Variants in SVIL observed in about 807,000 individuals in gnomAD.
The protein encoded by SVIL is supervillin.
In SVIL, 101 loss-of-function variants were observed where a neutral mutation model predicts 240.4. The observed-to-expected ratio is 0.42, with a 90% CI of 0.36 to 0.50. The LOEUF (loss-of-function observed/expected upper bound fraction) is 0.50, where lower values mean the gene tolerates loss of function less well. SVIL is among the 20% of genes least tolerant of loss of function. The probability of loss-of-function intolerance (pLI) is 0.01; values close to 1 mark genes in which losing one functional copy is unlikely to be tolerated. For synonymous variants in SVIL, 999 were observed against 1,100.0 expected (o/e 0.91, Z 1.82); for missense variants, 2,512 against 2,818.7 (o/e 0.89, Z 2.46).
chr10:29,513,170 AC>A (rs1949972979), intron 16 of SVIL, among the ~76,000 whole-genome samples: 1 of 152,236 alleles, frequency 6.6e-6, no homozygotes, highest in Non-Finnish European at 1.5e-5. Context: ...AAGCAAGAGA[AC>A]CGTCCCCAGA....
chr10:29,551,954 T>G (rs1037338832), intron 5 of SVIL, among the ~76,000 whole-genome samples: 13 of 151,840 alleles, frequency 8.6e-5, no homozygotes, highest in African/African-American at 3.1e-4. Flanking sequence ...CTACAAAAAT[T>G]ATTTTAAAAA....
At chr10:29,664,595 T>G (rs1307668154) in intron 2 of SVIL, among the ~76,000 whole-genome samples, 1 of 152,134 alleles carries the variant, frequency 6.6e-6, no homozygotes, top group Non-Finnish European at 1.5e-5. Flanking sequence ...TTTGAACATT[T>G]GTAAAAAGTA....
chr10:29,533,470 A>T lies in SVIL; in HGVS notation c.909-12T>A. On this transcript the variant is annotated splice_polypyrimidine_tract_variant and intron_variant, in intron 7 of 37. Transcript: ENST00000355867. ...CTCTAACTTTAACTCTTTAAGAAAGAAAAAGGATTTAAGTTGCAAAGTGCA... is the reference window on the plus strand; with the variant it reads ...CTCTAACTTTAACTCTTTAAGAAAGTAAAAGGATTTAAGTTGCAAAGTGCA... The T allele has an allele frequency of 1.2e-6, 2 of 1,606,778 alleles. No individual in the cohort carries two copies. The highest frequency in any genetic ancestry group is 1.7e-6 in the Non-Finnish European group (2 of 1,175,412).
chr10:29,510,374 A>G (rs1949740782), intron 17 of SVIL, among the ~76,000 whole-genome samples: 1 of 152,094 alleles, frequency 6.6e-6, no homozygotes, highest in African/African-American at 2.4e-5. Context: ...TGTGTGGCAC[A>G]CATTCTATTT....
chr10:29,588,345 G>A (rs74611473), intron 1 of SVIL, among the ~76,000 whole-genome samples: 24,874 of 150,494 alleles, frequency 0.17, 2,490 homozygotes, highest in African/African-American at 0.28. Flanking sequence ...CTGACACTTC[G>A]TCCCTTCACT....
intron 8 of SVIL, among the ~76,000 whole-genome samples, 169 bp downstream of exon 8, chr10:29,532,360 C>G (rs1426077699): frequency 1.3e-5 from 2 of 152,232 alleles, no homozygotes; most frequent in East Asian, 3.8e-4. Context: ...CATTAGTAGG[C>G]AGAAGCAGAG....
chr10:29,646,766 C>A (rs1164088471), intron 3 of SVIL, among the ~76,000 whole-genome samples: 1 of 152,148 alleles, frequency 6.6e-6, no homozygotes, highest in Non-Finnish European at 1.5e-5. Flanking sequence ...CCCCGTGGGT[C>A]ACAAACCTAA....
chr10:29,538,912 C>T (rs1951934852), intron 6 of SVIL, among the ~76,000 whole-genome samples: 1 of 152,120 alleles, frequency 6.6e-6, no homozygotes. Flanking sequence ...TCTTGTAATC[C>T]CAGCCCTTTT....
At chr10:29,620,417 C>T (rs948213686) in intron 1 of SVIL, among the ~76,000 whole-genome samples, 1 of 152,086 alleles carries the variant, frequency 6.6e-6, no homozygotes, top group African/African-American at 2.4e-5. Flanking sequence ...CTTATAGTGT[C>T]CCTAAATATT....
At chr10:29,716,533 A>G (rs181362327) in intron 1 of SVIL, among the ~76,000 whole-genome samples, 8 of 152,364 alleles carry the variant, frequency 5.3e-5, no homozygotes, top group Admixed American at 5.2e-4. Context: ...AAAAGGAGAA[A>G]GCTGTGTGTT....
rs564501537 is a variant in SVIL, at chr10:29,726,688, G to A, written c.-400+9063C>T. Among the ~76,000 whole-genome samples the A allele has an allele frequency of 5.7e-4, 87 of 152,078 alleles. 1 individual carries two copies. The highest frequency in any genetic ancestry group is 2.0e-3 in the African/African-American group (83 of 41,490). Reference sequence around the variant, plus strand: ...CTTGAACTCGGGAGGTGGAGGTTGCGGTGAGCCAAGATCACGCTGCTGCAC... The same window carrying A: ...CTTGAACTCGGGAGGTGGAGGTTGCAGTGAGCCAAGATCACGCTGCTGCAC... On this transcript the variant is annotated intron_variant, in intron 1 of 35. Coordinates refer to the SVIL transcript ENST00000375400.
intron 16 of SVIL, 49 bp downstream of exon 16, chr10:29,522,361 G>T: frequency 1.3e-6 from 2 of 1,590,736 alleles, no homozygotes; most frequent in South Asian, 1.1e-5. Context: ...AAAGCAAGCT[G>T]TAAGCTCCTC....
intron 1 of SVIL, among the ~76,000 whole-genome samples, chr10:29,727,740 CA>C (rs10607348): frequency 0.25 from 32,439 of 129,672 alleles, 3,497 homozygotes; most frequent in Admixed American, 0.28. Context: ...GTCGTGAACA[CA>C]AAAAAAAAAA....
rs746947831 is a variant in SVIL, at chr10:29,523,872, T to C, written c.2742A>G (p.Ser914=). ...ASATDYKFSS[S]IENSDSPVRS... is the part of the protein sequence containing the mutation. ...TAACTGGAGAGTCCGAATTTTCTAT[T>C]GAAGAAGAAAACTTATAGTCAGTGG... Residue 914 remains serine (S), a synonymous_variant, in exon 15 of 38, where the codon TCA becomes TCG. Coordinates refer to ENST00000355867, the MANE Select transcript of SVIL (RefSeq NM_021738.3). 1 of 1,614,184 alleles carries C rather than the reference T, an allele frequency of 6.2e-7. No individual in the cohort carries two copies. The highest frequency in any genetic ancestry group is 8.5e-7 in the Non-Finnish European group (1 of 1,180,044).
intron 17 of SVIL, among the ~76,000 whole-genome samples, chr10:29,500,209 G>T (rs1404744165): frequency 3.3e-5 from 5 of 152,064 alleles, no homozygotes; most frequent in Non-Finnish European, 5.9e-5. Flanking sequence ...GAAGAGTGTA[G>T]GTGGTGGTCG....
At position 29,591,795 on chromosome 10, in the gene SVIL, C is replaced by T. The variant is rs1234857707; in HGVS notation, c.-200-22483G>A. Among the ~76,000 whole-genome samples, 3 of 152,164 alleles carry T rather than the reference C, an allele frequency of 2.0e-5. No homozygotes were observed. In the South Asian group the frequency reaches 6.2e-4, roughly 32 times the overall value. On this transcript the variant is annotated intron_variant, in intron 1 of 37. Coordinates refer to ENST00000355867, the MANE Select transcript of SVIL (RefSeq NM_021738.3). Reference sequence around the variant, plus strand: ...CCTTGCTGCATGAAGCTCCATGCTGCGAAGGGATCTTAGCACACGTGGGGA... The same window carrying T: ...CCTTGCTGCATGAAGCTCCATGCTGTGAAGGGATCTTAGCACACGTGGGGA...
chr10:29,712,532 G>C (rs982658211), intron 1 of SVIL, among the ~76,000 whole-genome samples: 1 of 152,180 alleles, frequency 6.6e-6, no homozygotes, highest in Non-Finnish European at 1.5e-5. Context: ...GCTTTCCCCA[G>C]ATGCCCAATC....
At chr10:29,598,921 T>C (rs537449315) in intron 1 of SVIL, among the ~76,000 whole-genome samples, 2 of 152,328 alleles carry the variant, frequency 1.3e-5, no homozygotes, top group Non-Finnish European at 1.5e-5. Context: ...GTGACAGATT[T>C]GGAACATGAG....
At chr10:29,601,987 C>A (rs551904730) in intron 1 of SVIL, among the ~76,000 whole-genome samples, 1 of 152,220 alleles carries the variant, frequency 6.6e-6, no homozygotes. Context: ...CAGTTCATTG[C>A]TTGTTGGGAT....
Sources: gnomAD v4.1 joint callset for allele counts (sites outside exome capture counted in the v4.1 genomes callset) on GRCh38, gnomAD v4.1.1 for gene constraint, MANE v1.5 for transcripts, NCBI Gene and HGNC (gene_info 2026-07-23, HGNC 2026-07-21) for gene names.